The following CDH18 variants were observed in gnomAD, a reference collection of about 807,000 sequenced individuals.
The protein encoded by CDH18 is cadherin 18, also known as cadherin-18.
CDH18 carries 31 observed loss-of-function variants against 67.9 expected under a neutral mutation model. That is an observed-to-expected ratio of 0.46 (90% CI 0.34 to 0.62). The LOEUF (loss-of-function observed/expected upper bound fraction) is 0.62. Ranked by LOEUF, CDH18 falls within the 20% of genes least tolerant of loss-of-function variation. The pLI is 0.01. For missense variants in CDH18, 890 were observed against 975.5 expected (o/e 0.91, Z 1.17); for synonymous variants, 362 against 347.2 (o/e 1.04, Z -0.48).
At chr5:19,474,513 AT>A (rs1738113920) in intron 12 of CDH18, among the ~76,000 whole-genome samples, 1 of 152,078 alleles carries the variant, frequency 6.6e-6, no homozygotes, top group African/African-American at 2.4e-5. Flanking sequence ...TAGGACATAA[AT>A]AACTTCCACA....
At chr5:19,812,522 T>C (rs1778840115) in intron 3 of CDH18, among the ~76,000 whole-genome samples, 2 of 152,122 alleles carry the variant, frequency 1.3e-5, no homozygotes, top group Admixed American at 6.5e-5. Context: ...GCAATCACAA[T>C]TGCAAAAAGC....
Position 20,010,159 on chromosome 5 carries a change from GGTGTGTGTGT to G in CDH18, c.-517-18155_-517-18146del, listed in dbSNP as rs35461877. ...TTTACCACACAACCTAGTGGAAAGT[GGTGTGTGTGT>G]GTGTGTGTGTGTGTGTGTGTGTAAC... On this transcript the variant is annotated intron_variant, in intron 2 of 14. Coordinates refer to the CDH18 transcript ENST00000507958. Among the ~76,000 whole-genome samples, 110 of 146,390 alleles carry G rather than the reference GGTGTGTGTGT, an allele frequency of 7.5e-4. 1 individual carries two copies. Among genetic ancestry groups the G allele is most frequent in the African/African-American group, 2.5e-3 (100 of 39,762 alleles).
intron 1 of CDH18, among the ~76,000 whole-genome samples, chr5:20,358,818 T>C (rs1202344865): frequency 1.3e-5 from 2 of 152,050 alleles, no homozygotes; most frequent in African/African-American, 2.4e-5. Flanking sequence ...CCATACTATA[T>C]ATTTGGTGTG....
chr5:19,690,317 A>G (rs181839271), intron 5 of CDH18, among the ~76,000 whole-genome samples: 126 of 151,766 alleles, frequency 8.3e-4, no homozygotes, highest in African/African-American at 2.8e-3. Context: ...TGCTGAGAGG[A>G]AAGTTTATAT....
chr5:20,435,128 C>T (rs1749074320), intron 1 of CDH18, among the ~76,000 whole-genome samples: 2 of 151,982 alleles, frequency 1.3e-5, no homozygotes, highest in African/African-American at 4.8e-5. Flanking sequence ...TGACCGTTCC[C>T]TCTCCCCACC....
intron 2 of CDH18, among the ~76,000 whole-genome samples, chr5:20,221,518 T>C: frequency 6.6e-6 from 1 of 151,986 alleles, no homozygotes; most frequent in East Asian, 1.9e-4. Context: ...TACAGAAACA[T>C]AGGTAGATAG....
chr5:20,043,362 C>T (rs2150476774), intron 2 of CDH18, among the ~76,000 whole-genome samples: 1 of 152,240 alleles, frequency 6.6e-6, no homozygotes, highest in Non-Finnish European at 1.5e-5. Flanking sequence ...ACTCTCCTTT[C>T]TTTCCCTTTA....
chr5:20,374,710 GA>G (rs1444860889), intron 1 of CDH18, among the ~76,000 whole-genome samples: 4 of 152,092 alleles, frequency 2.6e-5, no homozygotes, highest in Admixed American at 6.5e-5. Flanking sequence ...ATTCAATGAA[GA>G]ATTTAACTTT....
chr5:19,778,272 G>A (rs563057612), intron 3 of CDH18, among the ~76,000 whole-genome samples: 2 of 152,058 alleles, frequency 1.3e-5, no homozygotes, highest in Non-Finnish European at 2.9e-5. Context: ...TTCCCTCCCC[G>A]CAGCCAATAT....
At chr5:20,012,372 CAAAAAAAAAAA>C (rs374226366) in intron 2 of CDH18, among the ~76,000 whole-genome samples, 1 of 116,088 alleles carries the variant, frequency 8.6e-6, no homozygotes, top group South Asian at 3.0e-4. Context: ...TTATCTTGTT[CAAAAAAAAAAA>C]AAAAAAAACA....
At chr5:19,934,185 A>G (rs1246511881) in intron 2 of CDH18, among the ~76,000 whole-genome samples, 1 of 151,388 alleles carries the variant, frequency 6.6e-6, no homozygotes, top group Non-Finnish European at 1.5e-5. Context: ...AGACAGAAAG[A>G]GAAAGAGAGA....
intron 2 of CDH18, among the ~76,000 whole-genome samples, chr5:20,090,310 G>A (rs750451048): frequency 5.1e-4 from 78 of 152,142 alleles, no homozygotes; most frequent in Non-Finnish European, 9.8e-4. Flanking sequence ...GCCAAGGTGG[G>A]CGAATCACCG....
At chr5:20,447,692 G>A (rs9292940) in intron 1 of CDH18, among the ~76,000 whole-genome samples, 30,568 of 151,940 alleles carry the variant, frequency 0.2, 3,823 homozygotes, top group East Asian at 0.39. Context: ...TTATTTTTGT[G>A]TGTGTCAAGT....
chr5:20,147,074 A>G (rs1415142614), intron 2 of CDH18, among the ~76,000 whole-genome samples: 3 of 152,182 alleles, frequency 2.0e-5, no homozygotes, highest in Non-Finnish European at 4.4e-5. Flanking sequence ...TATTAAAGTT[A>G]AAGATAAAGT....
chr5:20,107,130 G>A (rs1023401124), intron 2 of CDH18, among the ~76,000 whole-genome samples: 2 of 151,006 alleles, frequency 1.3e-5, no homozygotes, highest in African/African-American at 4.9e-5. Context: ...GCCCAGGCTG[G>A]AGTGCAGTGG....
intron 2 of CDH18, among the ~76,000 whole-genome samples, chr5:20,143,386 G>A (rs1226854529): frequency 6.6e-6 from 1 of 151,990 alleles, no homozygotes; most frequent in African/African-American, 2.4e-5. Flanking sequence ...TTATTTATTA[G>A]ATATGGAGTC....
intron 2 of CDH18, among the ~76,000 whole-genome samples, chr5:20,039,496 G>A (rs1320386729): frequency 6.6e-6 from 1 of 152,062 alleles, no homozygotes; most frequent in Non-Finnish European, 1.5e-5. Flanking sequence ...TACTAAAACA[G>A]ATATATAGAC....
chr5:19,658,526 C>T (rs1455309643), intron 5 of CDH18, among the ~76,000 whole-genome samples: 1 of 152,026 alleles, frequency 6.6e-6, no homozygotes, highest in Non-Finnish European at 1.5e-5. Flanking sequence ...CTGTTTGAGA[C>T]ATCTGAGGCA....
chr5:20,396,126 T>C (rs1477141779), intron 1 of CDH18, among the ~76,000 whole-genome samples: 1 of 152,180 alleles, frequency 6.6e-6, no homozygotes, highest in African/African-American at 2.4e-5. Context: ...TCACTGAAGG[T>C]CATTCAGAAG....
Sources: gnomAD v4.1 joint callset for allele counts (sites outside exome capture counted in the v4.1 genomes callset) on GRCh38, gnomAD v4.1.1 for gene constraint, MANE v1.5 for transcripts, NCBI Gene and HGNC (gene_info 2026-07-23, HGNC 2026-07-21) for gene names.